The following GLIS1 variants were observed in gnomAD, a reference collection of about 807,000 sequenced individuals.
GLIS1 encodes the protein zinc finger protein GLIS1.
In GLIS1, 24 loss-of-function variants were observed where a neutral mutation model predicts 63.8. That is an observed-to-expected ratio of 0.38 (90% CI 0.27 to 0.53). GLIS1 has a LOEUF of 0.53. Among genes scored for constraint, GLIS1 ranks in the 20% least tolerant of loss-of-function variants. GLIS1 has a pLI of 0.85. For synonymous variants in GLIS1, 450 were observed against 482.5 expected, an observed-to-expected ratio of 0.93 and a Z score of 0.88; for missense variants, 1,036 against 1,074.1, an observed-to-expected ratio of 0.96 and a Z score of 0.50.
Position 53,517,943 on chromosome 1 carries a change from C to T in GLIS1, c.1726+2691G>A, listed in dbSNP as rs756057920. Among the ~76,000 whole-genome samples the T allele has an allele frequency of 5.3e-5, 8 of 152,206 alleles. No homozygotes were observed. In the East Asian group the frequency reaches 5.8e-4, roughly 11 times the overall value. The stretch of plus-strand genomic sequence containing the variant: ...TGGGAATGAAGGAACCATGGGACTG[C>T]GAGGGGCAGCGGAAGTGGGGACGCC... On this transcript the variant is annotated intron_variant, in intron 7 of 10. Coordinates refer to ENST00000628545, the MANE Select transcript of GLIS1 (RefSeq NM_001367484.1).
chr1:53,681,430 G>T (rs1325198344), intron 2 of GLIS1, among the ~76,000 whole-genome samples: 2 of 152,240 alleles, frequency 1.3e-5, no homozygotes, highest in Non-Finnish European at 2.9e-5. Flanking sequence ...TGCCAAGTAG[G>T]GAGGGATATA....
intron 4 of GLIS1, among the ~76,000 whole-genome samples, chr1:53,540,387 A>C (rs1644630916): frequency 6.6e-6 from 1 of 152,116 alleles, no homozygotes; most frequent in East Asian, 1.9e-4. Flanking sequence ...CCCTCTCTGC[A>C]AACAAACTCG....
intron 2 of GLIS1, among the ~76,000 whole-genome samples, chr1:53,608,740 T>C (rs1474074983): frequency 6.6e-6 from 1 of 152,196 alleles, no homozygotes; most frequent in Non-Finnish European, 1.5e-5. Flanking sequence ...GTTGTTCTTA[T>C]TAATCCCACC....
rs886353984 is a variant in GLIS1 at position 53,531,711 on chromosome 1, A to G, written c.1321-1759T>C. Among the ~76,000 whole-genome samples, 4 of 152,196 alleles carry G rather than the reference A, an allele frequency of 2.6e-5. No homozygotes were observed. The South Asian group carries it at 6.2e-4, about 24-fold the overall frequency. ...GTTGAGATGTCACAGAGGGAGACACAGGGGCTGTGGCCACACAGAGGAGAT... is the reference window on the plus strand; with the variant it reads ...GTTGAGATGTCACAGAGGGAGACACGGGGGCTGTGGCCACACAGAGGAGAT... On this transcript the variant is annotated intron_variant, in intron 4 of 10. Transcript: ENST00000628545.
intron 2 of GLIS1, among the ~76,000 whole-genome samples, chr1:53,704,355 G>T (rs766747869): frequency 3.3e-5 from 5 of 152,248 alleles, no homozygotes; most frequent in Non-Finnish European, 7.3e-5. Context: ...TCTTACAGAT[G>T]AAGAAATCAG....
At chr1:53,551,169 C>T (rs1013710073) in intron 4 of GLIS1, among the ~76,000 whole-genome samples, 8 of 152,134 alleles carry the variant, frequency 5.3e-5, no homozygotes, top group African/African-American at 7.2e-5. Context: ...AAGGATCCCC[C>T]GTGTTGAGCC....
At position 53,511,487 on chromosome 1, in the gene GLIS1, C is replaced by T. The variant is rs1049737723; in HGVS notation, c.1884-1460G>A. ...CTCCAGTCTGCTGTCATCATCCACA[C>T]GTGTGGGGCCCCCGTCACTGTGAGC... On this transcript the variant is annotated intron_variant, in intron 8 of 10. Coordinates refer to ENST00000628545, the MANE Select transcript of GLIS1 (RefSeq NM_001367484.1). This position sits in a 1 kb window ranked among gnomAD's most constrained non-coding sequence, Gnocchi z 4.2. 1.8e-4 allele frequency among the ~76,000 whole-genome samples: 27 copies of T among 152,194 alleles called. No homozygotes were observed. The highest frequency in any genetic ancestry group is 5.2e-4 in the Admixed American group (8 of 15,284).
At chr1:53,596,020 G>T (rs921369184) in intron 3 of GLIS1, among the ~76,000 whole-genome samples, 1 of 152,250 alleles carries the variant, frequency 6.6e-6, no homozygotes, top group Non-Finnish European at 1.5e-5. Context: ...CCGTGCAAAC[G>T]TGGGCAAGGT....
intron 4 of GLIS1, among the ~76,000 whole-genome samples, chr1:53,549,689 T>C (rs1217857990): frequency 6.6e-6 from 1 of 152,252 alleles, no homozygotes; most frequent in Non-Finnish European, 1.5e-5. Flanking sequence ...AGATATGTAA[T>C]TGCAAAAGCA....
intron 2 of GLIS1, among the ~76,000 whole-genome samples, chr1:53,635,707 C>T (rs879804048): frequency 2.6e-5 from 4 of 152,064 alleles, no homozygotes; most frequent in Non-Finnish European, 4.4e-5. Flanking sequence ...GAACTACTGA[C>T]AAAGACCACA....
chr1:53,701,447 C>T (rs56107443), intron 2 of GLIS1, among the ~76,000 whole-genome samples: 1 of 152,226 alleles, frequency 6.6e-6, no homozygotes, highest in Non-Finnish European at 1.5e-5. Context: ...GTCCAACGCC[C>T]TCCTCCGCTG....
At chr1:53,628,499 G>A (rs534965270) in intron 2 of GLIS1, among the ~76,000 whole-genome samples, 14 of 152,240 alleles carry the variant, frequency 9.2e-5, no homozygotes, top group African/African-American at 3.1e-4. Context: ...ACCAGAGTGC[G>A]TTCGCCAGGC....
chr1:53,571,959 C>G (rs1401895793), intron 4 of GLIS1, among the ~76,000 whole-genome samples: 1 of 152,104 alleles, frequency 6.6e-6, no homozygotes, highest in Non-Finnish European at 1.5e-5. Context: ...AGCTTTAAAC[C>G]AAGCAAAACC....
chr1:53,631,072 T>A (rs1406415687), intron 2 of GLIS1, among the ~76,000 whole-genome samples: 1 of 152,214 alleles, frequency 6.6e-6, no homozygotes, highest in Non-Finnish European at 1.5e-5. Context: ...TCTTCCCAAT[T>A]TTTTATTGCC....
Position 53,560,643 on chromosome 1 carries a change from T to C in GLIS1, c.1321-30691A>G, listed in dbSNP as rs1166020440. Reference sequence around the variant, plus strand: ...CCTGTTGGCATCACTGGCTTTGCACTGCCTTTGGCAAACACTTGTTGCGGG... The same window carrying C: ...CCTGTTGGCATCACTGGCTTTGCACCGCCTTTGGCAAACACTTGTTGCGGG... On this transcript the variant is annotated intron_variant, in intron 4 of 10. Coordinates refer to ENST00000628545, the MANE Select transcript of GLIS1 (RefSeq NM_001367484.1). This position sits in a 1 kb window ranked among gnomAD's most constrained non-coding sequence, Gnocchi z 4.4. 6.6e-6 allele frequency among the ~76,000 whole-genome samples: 1 copy of C among 152,220 alleles called. No homozygotes were observed.
chr1:53,695,328 C>A (rs146873163), intron 2 of GLIS1, among the ~76,000 whole-genome samples: 1 of 152,162 alleles, frequency 6.6e-6, no homozygotes, highest in South Asian at 2.1e-4. Flanking sequence ...AGGATGTGTA[C>A]GAAACACTAA....
chr1:53,621,819 A>AT (rs953307311), intron 2 of GLIS1, among the ~76,000 whole-genome samples: 28 of 149,130 alleles, frequency 1.9e-4, no homozygotes, highest in South Asian at 2.1e-4. Context: ...ATACAGAAAA[A>AT]TTTTTTTTTT....
rs141248603 is a variant in GLIS1 at position 53,511,561 on chromosome 1, G to A, written c.1884-1534C>T. Among the ~76,000 whole-genome samples, 434 of 152,288 alleles carry A rather than the reference G, an allele frequency of 2.8e-3. 2 individuals are homozygous for A. The highest frequency in any genetic ancestry group is 0.02 in the Middle Eastern group (6 of 294). On this transcript the variant is annotated intron_variant, in intron 8 of 10. Transcript: ENST00000628545. The surrounding 1 kb of genome is among the most constrained non-coding windows in gnomAD (Gnocchi z 4.2). ...GCCTCGGTGCTGGGTCCCTGGCCCGGCCACTGATACACTGTGGGTCCCTGT... is the reference window on the plus strand; with the variant it reads ...GCCTCGGTGCTGGGTCCCTGGCCCGACCACTGATACACTGTGGGTCCCTGT...
chr1:53,565,876 A>G (rs190088194), intron 4 of GLIS1, among the ~76,000 whole-genome samples: 3 of 152,272 alleles, frequency 2.0e-5, no homozygotes, highest in Admixed American at 6.5e-5. Flanking sequence ...TCAAAATCAG[A>G]TAATAAAAGT....
Sources: allele counts gnomAD v4.1 joint callset (sites outside exome capture counted in the v4.1 genomes callset), GRCh38; gene constraint gnomAD v4.1.1; non-coding constraint Gnocchi (gnomAD v3.1); transcripts MANE v1.5; gene names NCBI Gene and HGNC (gene_info 2026-07-23, HGNC 2026-07-21).